The following FCRL1 variants were observed in gnomAD, a reference collection of about 807,000 sequenced individuals.
FCRL1 encodes the protein Fc receptor-like protein 1.
Under a neutral mutation model 49.2 loss-of-function variants are expected in FCRL1, and 34 were observed. That is an observed-to-expected ratio of 0.69 (90% CI 0.53 to 0.92). The LOEUF is 0.92. Among genes scored for constraint, FCRL1 ranks in the 40% least tolerant of loss-of-function variants. The pLI, the probability that FCRL1 is intolerant of heterozygous loss-of-function variation, is 0.00. For missense variants in FCRL1, 524 were observed against 524.1 expected (o/e 1.00, Z 0.00); for synonymous variants, 218 against 201.6 (o/e 1.08, Z -0.69).
At chr1:157,814,802 G>T (rs983133881) in intron 1 of FCRL1, among the ~76,000 whole-genome samples, 2 of 151,844 alleles carry the variant, frequency 1.3e-5, no homozygotes, top group Non-Finnish European at 2.9e-5. Context: ...AACAGGAATA[G>T]TTATGCTTAT....
chr1:157,813,075 G>C (rs971568958), intron 1 of FCRL1, among the ~76,000 whole-genome samples: 3 of 152,014 alleles, frequency 2.0e-5, no homozygotes, highest in Non-Finnish European at 4.4e-5. Context: ...CTAAACTAAG[G>C]ATCCATCGGC....
intron 1 of FCRL1, among the ~76,000 whole-genome samples, chr1:157,817,421 T>C (rs1170830357): frequency 1.3e-5 from 2 of 152,114 alleles, no homozygotes; most frequent in African/African-American, 2.4e-5. Context: ...GAATACACGA[T>C]GTGGAAAGGA....
chr1:157,799,684 T>C (rs887394519), intron 7 of FCRL1, among the ~76,000 whole-genome samples: 3 of 152,000 alleles, frequency 2.0e-5, no homozygotes, highest in East Asian at 3.9e-4. Flanking sequence ...GAGATATACC[T>C]AATGCTAAAT....
intron 5 of FCRL1, 73 bp from the exon 6 acceptor site, chr1:157,801,650 TG>T: frequency 9.0e-7 from 1 of 1,107,190 alleles, no homozygotes; most frequent in Admixed American, 2.1e-5. Context: ...ATCTTGGGTG[TG>T]GGTTGTGCCC....
At position 157,802,638 on chromosome 1, in the gene FCRL1, C is replaced by T; in HGVS notation, c.346G>A (p.Glu116Lys). The T allele has an allele frequency of 6.2e-7, 1 of 1,613,778 alleles. No homozygotes were observed. Among genetic ancestry groups the T allele is most frequent in the Non-Finnish European group, 8.5e-7 (1 of 1,179,846 alleles). Reference protein sequence around the residue: ...HRVPVADVSLETQPPGGQVME... With the variant: ...HRVPVADVSLKTQPPGGQVME... ...ACCTGTCCTCCTGGGGGCTGAGTCTCCAAGCTCACATCAGCGACAGGGACC... is the reference window on the plus strand; with the variant it reads ...ACCTGTCCTCCTGGGGGCTGAGTCTTCAAGCTCACATCAGCGACAGGGACC... Residue 116 changes from glutamate to lysine, a missense_variant, in exon 4 of 11, where the codon GAG (glutamate) becomes AAG (lysine). Coordinates refer to ENST00000368176, the MANE Select transcript of FCRL1 (RefSeq NM_052938.5).
At chr1:157,804,857 CT>C (rs10715283) in intron 2 of FCRL1, among the ~76,000 whole-genome samples, 30,263 of 140,578 alleles carry the variant, frequency 0.22, 3,145 homozygotes, top group Non-Finnish European at 0.25. Context: ...TTTTCTTTTT[CT>C]TTTTTTTTTT....
rs889535016 is a variant in FCRL1 at position 157,795,837 on chromosome 1, T to G, written c.*262A>C. ...TCCTCTTGTAAACAGAAGAGCACAA[T>G]ATGACCTGTTTTCAAAGGAGCCGGC... On this transcript the variant is annotated 3_prime_UTR_variant, in exon 11 of 11. Coordinates refer to ENST00000368176, the MANE Select transcript of FCRL1 (RefSeq NM_052938.5). 10 of 402,982 alleles carry G rather than the reference T, an allele frequency of 2.5e-5. No individual in the cohort carries two copies. Among genetic ancestry groups the G allele is most frequent in the Non-Finnish European group, 4.1e-5 (9 of 219,410 alleles). 25.0% of individuals were successfully genotyped at this position (402,982 alleles called of 1,614,324 possible).
chr1:157,802,043 G>C lies in FCRL1; in HGVS notation c.758C>G (p.Ser253Trp). 1.9e-6 allele frequency: 3 copies of C among 1,614,216 alleles called. No individual in the cohort carries two copies. Among genetic ancestry groups the C allele is most frequent in the Non-Finnish European group, 2.5e-6 (3 of 1,180,038 alleles). Residue 253 changes from serine to tryptophan, a missense_variant, in exon 5 of 11, where the codon TCG (serine) becomes TGG (tryptophan). Ser to Trp is a radical substitution (Grantham distance 177, BLOSUM62 -3). Transcript: ENST00000368176. ...GGAGGCTCCTCCTCCAGAGGGGGCC[G>C]ACCTGCTCCCCAGGGTGATATCCTC... Reference protein sequence around the residue: ...YHEDITLGSRSAPSGGGASFN... With the variant: ...YHEDITLGSRWAPSGGGASFN...
At chr1:157,796,874 A>G (rs1557888023) in intron 10 of FCRL1, among the ~76,000 whole-genome samples, 1 of 152,238 alleles carries the variant, frequency 6.6e-6, no homozygotes, top group Non-Finnish European at 1.5e-5. Flanking sequence ...AAAATCATTC[A>G]TGTGTCCATT....
At chr1:157,799,489 C>G (rs578187505) in intron 7 of FCRL1, among the ~76,000 whole-genome samples, 4 of 152,106 alleles carry the variant, frequency 2.6e-5, no homozygotes, top group African/African-American at 9.6e-5. Flanking sequence ...GTATTTTATT[C>G]TCTTTGAAGC....
chr1:157,815,164 A>G (rs915591445), intron 1 of FCRL1, among the ~76,000 whole-genome samples: 4 of 151,960 alleles, frequency 2.6e-5, no homozygotes, highest in African/African-American at 9.6e-5. Context: ...ATTTTTCTCA[A>G]CTGCACATGG....
intron 3 of FCRL1, 30 bp from the exon 4 acceptor site, chr1:157,802,694 C>G: frequency 6.3e-7 from 1 of 1,594,272 alleles, no homozygotes; most frequent in Non-Finnish European, 8.5e-7. Context: ...CATAGGAAGA[C>G]CCTGTGCAGG....
At chr1:157,808,494 G>A (rs2101876248) in intron 1 of FCRL1, among the ~76,000 whole-genome samples, 1 of 152,326 alleles carries the variant, frequency 6.6e-6, no homozygotes, top group South Asian at 2.1e-4. Flanking sequence ...TGTACAAGGA[G>A]GAATGAGAAG....
At chr1:157,808,602 G>A (rs960030063) in intron 1 of FCRL1, among the ~76,000 whole-genome samples, 4 of 152,190 alleles carry the variant, frequency 2.6e-5, no homozygotes, top group South Asian at 2.1e-4. Flanking sequence ...TATGGACTTG[G>A]CAATAGTTTT....
chr1:157,819,896 C>T (rs1655556361), intron 1 of FCRL1, 111 bp downstream of exon 1: 1 of 1,301,024 alleles, frequency 7.7e-7, no homozygotes, highest in Non-Finnish European at 1.1e-6. Flanking sequence ...TCTGAGCACC[C>T]CTGAGCATTA....
At position 157,803,897 on chromosome 1, in the gene FCRL1, CTG is replaced by C; in HGVS notation, c.265_266del (p.Gln89AspfsTer23). The C allele has an allele frequency of 6.2e-7, 1 of 1,614,214 alleles. No homozygotes were observed. The highest frequency in any genetic ancestry group is 8.5e-7 in the Non-Finnish European group (1 of 1,180,040). On this transcript the variant is annotated frameshift_variant, in exon 3 of 11. Coordinates refer to ENST00000368176, the MANE Select transcript of FCRL1 (RefSeq NM_052938.5). LOFTEE classifies it high-confidence loss of function. ...EDTGSYWCEAQTMASKVLRSR... is the reference protein window; with the variant it reads ...EDTGSYWCEAXTMASKVLRSR... ...TCCTCAAGACTTTGGACGCCATTGT[CTG>C]TGCCTCGCACCAGTATGACCCTGTG...
At chr1:157,805,725 T>C (rs1281298788) in intron 2 of FCRL1, among the ~76,000 whole-genome samples, 1 of 152,106 alleles carries the variant, frequency 6.6e-6, no homozygotes, top group Non-Finnish European at 1.5e-5. Flanking sequence ...GCAAAACTTC[T>C]CTCTACTAAA....
intron 1 of FCRL1, among the ~76,000 whole-genome samples, chr1:157,811,817 G>A (rs1654355652): frequency 6.6e-6 from 1 of 152,152 alleles, no homozygotes; most frequent in Non-Finnish European, 1.5e-5. Flanking sequence ...TAATCCATGG[G>A]AACAAGCTGT....
Position 157,801,828 on chromosome 1 carries a change from C to T in FCRL1, c.886+87G>A, listed in dbSNP as rs551007456. ...GAGGCCCCACCATGGGTAGCAAACCCCCGGAAGCACAGTGGCACCAGCAAA... is the reference window on the plus strand; with the variant it reads ...GAGGCCCCACCATGGGTAGCAAACCTCCGGAAGCACAGTGGCACCAGCAAA... On this transcript the variant is annotated intron_variant, in intron 5 of 10. Coordinates refer to ENST00000368176, the MANE Select transcript of FCRL1 (RefSeq NM_052938.5). The T allele has an allele frequency of 2.5e-5, 38 of 1,498,106 alleles. No homozygotes were observed. In the East Asian group the frequency reaches 8.6e-4, roughly 34 times the overall value. 92.8% of individuals were successfully genotyped at this position (1,498,106 alleles called of 1,614,324 possible). A position where few individuals can be genotyped will look rare whatever the true frequency, so the allele number is the denominator to read the frequency against.
Sources: allele counts gnomAD v4.1 joint callset (sites outside exome capture counted in the v4.1 genomes callset), GRCh38; gene constraint gnomAD v4.1.1; transcripts MANE v1.5; gene names NCBI Gene and HGNC (gene_info 2026-07-23, HGNC 2026-07-21).